The following NKAIN2 variants were observed in gnomAD, a reference collection of about 807,000 sequenced individuals.
NKAIN2 encodes sodium/potassium transporting ATPase interacting 2, also known as sodium/potassium-transporting ATPase subunit beta-1-interacting protein 2.
A neutral mutation model predicts 32.6 loss-of-function variants in NKAIN2; 14 were observed. The observed-to-expected ratio is 0.43, with a 90% CI of 0.28 to 0.67. NKAIN2 has a LOEUF of 0.67. Ranked by LOEUF, NKAIN2 falls within the 30% of genes least tolerant of loss-of-function variation. NKAIN2 has a pLI of 0.17. For missense variants in NKAIN2, 198 were observed against 258.3 expected (o/e 0.77, Z 1.60); for synonymous variants, 80 against 87.2 (o/e 0.92, Z 0.46).
At chr6:124,298,366 A>G (rs1440369735) in intron 2 of NKAIN2, among the ~76,000 whole-genome samples, 1 of 152,072 alleles carries the variant, frequency 6.6e-6, no homozygotes, top group Non-Finnish European at 1.5e-5. Flanking sequence ...TTCATGGTTC[A>G]GCAGAAAAAA....
chr6:124,608,272 T>G (rs11154251), intron 3 of NKAIN2, among the ~76,000 whole-genome samples: 1 of 152,138 alleles, frequency 6.6e-6, no homozygotes, highest in Non-Finnish European at 1.5e-5. Context: ...GAATACTTTT[T>G]ACTCATGGTG....
intron 1 of NKAIN2, among the ~76,000 whole-genome samples, chr6:123,854,267 G>A (rs1405926194): frequency 6.6e-6 from 1 of 152,158 alleles, no homozygotes; most frequent in African/African-American, 2.4e-5. Context: ...TTCTGTCAGT[G>A]CCTCTTTTCA....
At chr6:124,196,045 A>T (rs1790299018) in intron 1 of NKAIN2, among the ~76,000 whole-genome samples, 2 of 152,142 alleles carry the variant, frequency 1.3e-5, no homozygotes, top group South Asian at 4.1e-4. Context: ...TACCACTAAA[A>T]ACAATTATGG....
intron 3 of NKAIN2, among the ~76,000 whole-genome samples, chr6:124,406,219 T>G (rs1295637721): frequency 6.6e-6 from 1 of 152,166 alleles, no homozygotes; most frequent in Non-Finnish European, 1.5e-5. Context: ...TTTATAATCC[T>G]TCACTTCTGT....
At chr6:124,345,021 T>C (rs186630319) in intron 2 of NKAIN2, among the ~76,000 whole-genome samples, 32 of 152,290 alleles carry the variant, frequency 2.1e-4, no homozygotes, top group African/African-American at 7.0e-4. Context: ...ATACCTAATT[T>C]ATTGAGAGTT....
intron 1 of NKAIN2, among the ~76,000 whole-genome samples, chr6:124,207,159 G>T (rs1443626526): frequency 2.0e-5 from 3 of 151,578 alleles, no homozygotes; most frequent in Non-Finnish European, 4.4e-5. Flanking sequence ...AGGTGCTAAG[G>T]CTCACACCTG....
At chr6:124,718,711 C>T (rs1375058591) in intron 4 of NKAIN2, among the ~76,000 whole-genome samples, 1 of 152,136 alleles carries the variant, frequency 6.6e-6, no homozygotes, top group Non-Finnish European at 1.5e-5. Flanking sequence ...CTTCTCTGAG[C>T]CTCGGTTTTT....
intron 3 of NKAIN2, among the ~76,000 whole-genome samples, chr6:124,637,465 C>T (rs1039728752): frequency 3.3e-5 from 5 of 151,956 alleles, no homozygotes; most frequent in South Asian, 2.1e-4. Flanking sequence ...TTGCAAATAA[C>T]ATTTTTGTGT....
In NKAIN2 at chr6:124,372,145, C is replaced by CA. The variant is rs574326025; in HGVS notation, c.273+16802dup. ...TTGGTACTACAAAAAGCTCTCATGA[C>CA]AAAATACCATACATGTTTATACAAA... On this transcript the variant is annotated intron_variant, in intron 3 of 6. Transcript: ENST00000368417. Among the ~76,000 whole-genome samples, 456 of 151,994 alleles carry CA rather than the reference C, an allele frequency of 3.0e-3. 3 individuals are homozygous for CA. Among genetic ancestry groups the CA allele is most frequent in the African/African-American group, 0.011 (439 of 41,460 alleles).
At chr6:123,974,496 A>G (rs73557023) in intron 1 of NKAIN2, among the ~76,000 whole-genome samples, 2,581 of 152,272 alleles carry the variant, frequency 0.017, 87 homozygotes, top group African/African-American at 0.059. Context: ...TGAAGTTTTC[A>G]AGGGAGACTG....
intron 1 of NKAIN2, among the ~76,000 whole-genome samples, chr6:123,932,020 C>T (rs935363001): frequency 1.3e-5 from 2 of 152,154 alleles, no homozygotes; most frequent in South Asian, 2.1e-4. Context: ...TCACTCTCTG[C>T]TTTGTGGCAT....
chr6:124,615,424 T>C (rs1340012659), intron 3 of NKAIN2, among the ~76,000 whole-genome samples: 1 of 152,214 alleles, frequency 6.6e-6, no homozygotes, highest in Non-Finnish European at 1.5e-5. Context: ...AACAGAATCC[T>C]GAGTCTCTAC....
At chr6:123,935,851 T>C (rs1776479750) in intron 1 of NKAIN2, among the ~76,000 whole-genome samples, 1 of 152,136 alleles carries the variant, frequency 6.6e-6, no homozygotes, top group African/African-American at 2.4e-5. Context: ...TTGTGCTTTT[T>C]TCTTAGGCAT....
intron 5 of NKAIN2, among the ~76,000 whole-genome samples, chr6:124,816,875 C>G (rs1781190983): frequency 2.0e-5 from 3 of 152,164 alleles, no homozygotes; most frequent in African/African-American, 7.2e-5. Context: ...TCTAAAACCT[C>G]TTTATTCACA....
intron 3 of NKAIN2, among the ~76,000 whole-genome samples, chr6:124,379,683 C>T (rs1347672491): frequency 1.3e-5 from 2 of 152,076 alleles, no homozygotes; most frequent in Non-Finnish European, 2.9e-5. Flanking sequence ...TACAAAACAT[C>T]TCTACAGAAG....
At chr6:124,325,284 T>C (rs921623077) in intron 2 of NKAIN2, among the ~76,000 whole-genome samples, 2 of 152,072 alleles carry the variant, frequency 1.3e-5, no homozygotes, top group Non-Finnish European at 2.9e-5. Context: ...CACTTTGCAA[T>C]TCATATTATA....
At chr6:123,993,515 A>G (rs2114694270) in intron 1 of NKAIN2, among the ~76,000 whole-genome samples, 1 of 152,322 alleles carries the variant, frequency 6.6e-6, no homozygotes, top group Non-Finnish European at 1.5e-5. Flanking sequence ...TATTTAATTG[A>G]CATCCCATTT....
chr6:124,579,440 G>A (rs1781446776), intron 3 of NKAIN2, among the ~76,000 whole-genome samples: 1 of 152,226 alleles, frequency 6.6e-6, no homozygotes, highest in Admixed American at 6.5e-5. Flanking sequence ...AAATTCTGCA[G>A]CTGAAAAATG....
chr6:123,952,377 A>G (rs1165154265), intron 1 of NKAIN2, among the ~76,000 whole-genome samples: 1 of 152,002 alleles, frequency 6.6e-6, no homozygotes, highest in African/African-American at 2.4e-5. Context: ...CCACAGAGAA[A>G]GTTGCATTGT....
Sources: gnomAD v4.1 joint callset for allele counts (sites outside exome capture counted in the v4.1 genomes callset) on GRCh38, gnomAD v4.1.1 for gene constraint, MANE v1.5 for transcripts, NCBI Gene and HGNC (gene_info 2026-07-23, HGNC 2026-07-21) for gene names.